The following METTL15 variants were observed in gnomAD, a reference collection of about 807,000 sequenced individuals.
METTL15 encodes the protein 12S rRNA N(4)-cytidine methyltransferase METTL15.
In METTL15, 34 loss-of-function variants were observed where a neutral mutation model predicts 38.3. The observed-to-expected ratio is 0.89, with a 90% CI of 0.68 to 1.18. The LOEUF is 1.18. Among genes scored for constraint, METTL15 ranks in the 50% most tolerant of loss-of-function variants. METTL15 has a pLI of 0.00. For missense variants in METTL15, 438 were observed against 498.4 expected, an observed-to-expected ratio of 0.88 and a Z score of 1.15; for synonymous variants, 162 against 170.9, an observed-to-expected ratio of 0.95 and a Z score of 0.41.
At chr11:28,284,451 G>A (rs1315644784) in intron 4 of METTL15, among the ~76,000 whole-genome samples, 1 of 152,128 alleles carries the variant, frequency 6.6e-6, no homozygotes. Flanking sequence ...GGACAGTAGC[G>A]ATTTGTTATA....
intron 6 of METTL15, among the ~76,000 whole-genome samples, chr11:28,481,082 G>T (rs1440913309): frequency 1.3e-5 from 2 of 152,146 alleles, no homozygotes; most frequent in African/African-American, 4.8e-5. Flanking sequence ...ACTTGAAAAT[G>T]CATGATTAAG....
intron 6 of METTL15, among the ~76,000 whole-genome samples, chr11:28,447,821 C>T (rs1239934771): frequency 1.3e-5 from 2 of 152,114 alleles, no homozygotes; most frequent in Non-Finnish European, 2.9e-5. Context: ...ATGGCCATAT[C>T]AGTTTCTCTT....
chr11:28,504,140 T>A (rs758842267), intron 6 of METTL15, among the ~76,000 whole-genome samples: 110 of 135,778 alleles, frequency 8.1e-4, no homozygotes, highest in Non-Finnish European at 1.4e-3. Flanking sequence ...GAGGTTGCAG[T>A]GAGTCGAGAT....
At chr11:28,177,905 A>G (rs1851135509) in intron 3 of METTL15, among the ~76,000 whole-genome samples, 1 of 152,000 alleles carries the variant, frequency 6.6e-6, no homozygotes, top group South Asian at 2.1e-4. Context: ...TCATGAATTT[A>G]TTGTAAGGCT....
intron 6 of METTL15, among the ~76,000 whole-genome samples, chr11:28,479,806 G>GT (rs2133471905): frequency 6.6e-6 from 1 of 152,280 alleles, no homozygotes; most frequent in African/African-American, 2.4e-5. Context: ...ATGTTTATAA[G>GT]TTTATTAAAC....
intron 6 of METTL15, among the ~76,000 whole-genome samples, chr11:28,320,411 T>G (rs1256673197): frequency 6.6e-6 from 1 of 151,904 alleles, no homozygotes; most frequent in Non-Finnish European, 1.5e-5. Context: ...AATTTAAAAA[T>G]TAGCTGGGTG....
rs564528033 is a variant in METTL15 at position 28,288,455 on chromosome 11, A to G, written c.408-1751A>G. 2.2e-4 allele frequency among the ~76,000 whole-genome samples: 34 copies of G among 152,328 alleles called. No individual in the cohort carries two copies. In the South Asian group the frequency reaches 2.9e-3, roughly 13 times the overall value. The stretch of plus-strand genomic sequence containing the variant: ...TAGACTGGATAAAGAAATGTGGTAC[A>G]TATACACCATGCAATACTAAGCAGC... On this transcript the variant is annotated intron_variant, in intron 4 of 6. Coordinates refer to ENST00000407364, the MANE Select transcript of METTL15 (RefSeq NM_001113528.2).
intron 6 of METTL15, among the ~76,000 whole-genome samples, chr11:28,482,519 A>G (rs775989694): frequency 2.0e-5 from 3 of 152,218 alleles, no homozygotes; most frequent in Non-Finnish European, 2.9e-5. Flanking sequence ...AGGAAATCCT[A>G]ATTCTCGTTA....
At chr11:28,434,164 C>A (rs946049853) in intron 6 of METTL15, among the ~76,000 whole-genome samples, 2 of 152,096 alleles carry the variant, frequency 1.3e-5, no homozygotes, top group Non-Finnish European at 2.9e-5. Flanking sequence ...AGTTAGTTCT[C>A]ACGAGATCTG....
chr11:28,493,330 C>T (rs1466411428), intron 6 of METTL15, among the ~76,000 whole-genome samples: 1 of 152,118 alleles, frequency 6.6e-6, no homozygotes. Context: ...TGTCATGTCT[C>T]ATCTGAACTG....
intron 4 of METTL15, among the ~76,000 whole-genome samples, chr11:28,218,052 G>T (rs184272590): frequency 6.6e-6 from 1 of 152,164 alleles, no homozygotes; most frequent in African/African-American, 2.4e-5. Context: ...CTCTTTTTTG[G>T]TTCCATATGA....
At chr11:28,221,324 C>G (rs1853207868) in intron 4 of METTL15, among the ~76,000 whole-genome samples, 1 of 152,198 alleles carries the variant, frequency 6.6e-6, no homozygotes, top group South Asian at 2.1e-4. Flanking sequence ...TCTTCCATCA[C>G]TGATACCCTT....
At chr11:28,212,956 A>ATT (rs764844846) in intron 4 of METTL15, among the ~76,000 whole-genome samples, 1 of 151,376 alleles carries the variant, frequency 6.6e-6, no homozygotes, top group African/African-American at 2.4e-5. Context: ...ACCATGTGTA[A>ATT]TTTTTTTTTA....
chr11:28,394,931 A>G (rs536497327), intron 5 of METTL15, among the ~76,000 whole-genome samples: 9 of 152,084 alleles, frequency 5.9e-5, no homozygotes, highest in South Asian at 4.1e-4. Context: ...TTCATTCAAA[A>G]CAATCATATT....
intron 4 of METTL15, among the ~76,000 whole-genome samples, chr11:28,357,149 G>C (rs1334594182): frequency 3.3e-5 from 5 of 152,320 alleles, no homozygotes; most frequent in South Asian, 2.1e-4. Flanking sequence ...TTGTAAGGCT[G>C]ATAGAGTAGA....
intron 6 of METTL15, among the ~76,000 whole-genome samples, chr11:28,439,978 T>A (rs1851020191): frequency 6.6e-6 from 1 of 152,156 alleles, no homozygotes; most frequent in African/African-American, 2.4e-5. Context: ...GGGCTTTTTA[T>A]TTGTCAGCTG....
intron 5 of METTL15, among the ~76,000 whole-genome samples, chr11:28,375,710 T>C (rs1850302634): frequency 6.6e-6 from 1 of 152,134 alleles, no homozygotes; most frequent in Non-Finnish European, 1.5e-5. Context: ...TTCTGCTAGC[T>C]TTTGAATGTG....
At chr11:28,503,573 A>G (rs1590396736) in intron 6 of METTL15, among the ~76,000 whole-genome samples, 3 of 151,476 alleles carry the variant, frequency 2.0e-5, no homozygotes, top group East Asian at 3.9e-4. Context: ...CAGGTGGATC[A>G]TGAAGTCAGG....
chr11:28,372,865 C>T (rs1378814149), intron 5 of METTL15, among the ~76,000 whole-genome samples: 13 of 141,994 alleles, frequency 9.2e-5, no homozygotes, highest in African/African-American at 2.3e-4. Flanking sequence ...TGAGAATATG[C>T]GGTGTTTGGT....
Sources: gnomAD v4.1 joint callset for allele counts (sites outside exome capture counted in the v4.1 genomes callset) on GRCh38, gnomAD v4.1.1 for gene constraint, MANE v1.5 for transcripts, NCBI Gene and HGNC (gene_info 2026-07-23, HGNC 2026-07-21) for gene names.